GSK3B: variants seen among roughly 807,000 people sequenced by gnomAD.
GSK3B encodes glycogen synthase kinase 3 beta, also known as glycogen synthase kinase-3 beta.
In GSK3B, 15 loss-of-function variants were observed where a neutral mutation model predicts 56.4. The observed-to-expected ratio is 0.27, with a 90% CI of 0.18 to 0.41. GSK3B has a LOEUF of 0.41. GSK3B is among the 10% of genes least tolerant of loss of function. The pLI is 1.00. For synonymous variants in GSK3B, 181 were observed against 188.9 expected (o/e 0.96, Z 0.34); for missense variants, 300 against 513.4 (o/e 0.58, Z 4.02).
chr3:120,065,369 G>A (rs1361971496), intron 1 of GSK3B, among the ~76,000 whole-genome samples: 1 of 152,008 alleles, frequency 6.6e-6, no homozygotes, highest in Admixed American at 6.5e-5. Context: ...CTAAAAAGAT[G>A]CTCTACATCG....
chr3:119,915,615 T>A (rs1031806716), intron 5 of GSK3B, among the ~76,000 whole-genome samples: 1 of 152,058 alleles, frequency 6.6e-6, no homozygotes. Context: ...ACAATACATA[T>A]ACTCTTGATC....
intron 10 of GSK3B, among the ~76,000 whole-genome samples, chr3:119,841,992 T>C (rs1294987141): frequency 1.3e-5 from 2 of 152,114 alleles, no homozygotes; most frequent in Non-Finnish European, 2.9e-5. Context: ...GCAGCATAAA[T>C]ACCCTTAGGC....
At chr3:119,842,240 C>A (rs1450785568) in intron 10 of GSK3B, among the ~76,000 whole-genome samples, 1 of 152,192 alleles carries the variant, frequency 6.6e-6, no homozygotes, top group Non-Finnish European at 1.5e-5. Flanking sequence ...TGCAAGGACA[C>A]CGGTTCTCAC....
At chr3:119,886,236 T>C (rs560844475) in intron 7 of GSK3B, among the ~76,000 whole-genome samples, 1 of 151,686 alleles carries the variant, frequency 6.6e-6, no homozygotes, top group Non-Finnish European at 1.5e-5. Flanking sequence ...GCAGAACACG[T>C]GAACAGAAAC....
At chr3:120,024,083 C>CTTTG (rs1184061955) in intron 1 of GSK3B, among the ~76,000 whole-genome samples, 1 of 152,222 alleles carries the variant, frequency 6.6e-6, no homozygotes, top group Non-Finnish European at 1.5e-5. Context: ...AATCCCAGCA[C>CTTTG]TTTGGGAGGC....
intron 1 of GSK3B, among the ~76,000 whole-genome samples, chr3:120,011,910 C>T (rs537521588): frequency 6.6e-6 from 1 of 152,220 alleles, no homozygotes; most frequent in South Asian, 2.1e-4. Context: ...CATCGCATGC[C>T]TCGTGCTGCC....
chr3:119,963,767 A>G (rs2057295432), intron 2 of GSK3B, among the ~76,000 whole-genome samples: 1 of 152,144 alleles, frequency 6.6e-6, no homozygotes, highest in African/African-American at 2.4e-5. Flanking sequence ...TACAATGCAG[A>G]AAGGACAGTT....
At position 119,829,066 on chromosome 3, in the gene GSK3B, G is replaced by T. The variant is rs575602383; in HGVS notation, c.1196-2211C>A. Among the ~76,000 whole-genome samples, 10 of 152,264 alleles carry T rather than the reference G, an allele frequency of 6.6e-5. No homozygotes were observed. The South Asian group carries it at 1.9e-3, about 28-fold the overall frequency. ...ACCACCTTTTCTAACAATCACTGAG[G>T]AACTATGCTAACACTTCATTCGTGA... On this transcript the variant is annotated intron_variant, in intron 10 of 10. Coordinates refer to ENST00000264235, the MANE Select transcript of GSK3B (RefSeq NM_001146156.2).
At chr3:119,954,299 GAATAGAAAAGA>G (rs2057189976) in intron 2 of GSK3B, among the ~76,000 whole-genome samples, 2 of 110,882 alleles carry the variant, frequency 1.8e-5, no homozygotes, top group Admixed American at 1.8e-4. Context: ...GAATAGAATA[GAATAGAAAAGA>G]AACAGAACAG....
intron 4 of GSK3B, among the ~76,000 whole-genome samples, chr3:119,919,771 G>C (rs1053332390): frequency 1.3e-5 from 2 of 151,962 alleles, no homozygotes; most frequent in Admixed American, 6.6e-5. Context: ...AAAACAATAT[G>C]TGCATTATTG....
intron 1 of GSK3B, among the ~76,000 whole-genome samples, chr3:120,028,226 T>C (rs1362371548): frequency 2.0e-5 from 3 of 152,266 alleles, no homozygotes; most frequent in African/African-American, 4.8e-5. Flanking sequence ...TCTTAACTTT[T>C]ATTAATCACT....
rs1189282494 is a variant in GSK3B, at chr3:120,094,231, C to G, written c.-797G>C. On this transcript the variant is annotated 5_prime_UTR_variant, in exon 1 of 11. Transcript: ENST00000264235. The stretch of plus-strand genomic sequence containing the variant: ...CTTCCGTCCCTCGGGGCCCCCTCCC[C>G]CGTCCGCGGCAACAGCTCGGCCGCC... 1 of 225,892 alleles carries G rather than the reference C, an allele frequency of 4.4e-6. No homozygotes were observed. Among genetic ancestry groups the G allele is most frequent in the South Asian group, 1.3e-4 (1 of 7,616 alleles). 14.0% of individuals were successfully genotyped at this position (225,892 alleles called of 1,614,324 possible). A position where few individuals can be genotyped will look rare whatever the true frequency, so the allele number is the denominator to read the frequency against.
intron 1 of GSK3B, among the ~76,000 whole-genome samples, chr3:120,004,858 C>T (rs889496777): frequency 8.5e-5 from 13 of 152,196 alleles, no homozygotes; most frequent in South Asian, 2.1e-4. Context: ...AAAACCATAA[C>T]GCCTCTTCTC....
At chr3:120,037,856 A>G (rs985528631) in intron 1 of GSK3B, among the ~76,000 whole-genome samples, 3 of 152,176 alleles carry the variant, frequency 2.0e-5, no homozygotes, top group African/African-American at 7.2e-5. Context: ...CAATAACTAC[A>G]CAAACAGTCC....
chr3:119,909,175 C>G (rs927993467), intron 6 of GSK3B, among the ~76,000 whole-genome samples: 3 of 152,026 alleles, frequency 2.0e-5, no homozygotes, highest in African/African-American at 7.2e-5. Context: ...CATGTCACCA[C>G]GCCCGGCTAA....
intron 2 of GSK3B, among the ~76,000 whole-genome samples, chr3:120,000,918 CTTTTTTTTT>C (rs71156781): frequency 0.021 from 1,932 of 91,076 alleles, 51 homozygotes; most frequent in African/African-American, 0.079. Flanking sequence ...ATGTAATCTC[CTTTTTTTTT>C]TTTTTTTTTT....
rs530415926 is a variant in GSK3B at position 119,942,944 on chromosome 3, G to A, written c.366+4324C>T. Among the ~76,000 whole-genome samples, 14 of 152,224 alleles carry A rather than the reference G, an allele frequency of 9.2e-5. No homozygotes were observed. In the South Asian group the frequency reaches 1.7e-3, roughly 18 times the overall value. On this transcript the variant is annotated intron_variant, in intron 3 of 10. Transcript: ENST00000264235. ...TACTACTGGGTAACATAGAGTATACGAATTGACTACATGATGCTCTAGTTA... is the reference window on the plus strand; with the variant it reads ...TACTACTGGGTAACATAGAGTATACAAATTGACTACATGATGCTCTAGTTA...
intron 2 of GSK3B, 56 bp from the exon 3 acceptor site, chr3:119,947,407 T>C (rs1241128729): frequency 2.9e-6 from 3 of 1,026,990 alleles, no homozygotes; most frequent in Admixed American, 3.5e-5. Context: ...ATTCATCATA[T>C]TGAACAAGAT....
chr3:119,826,644 C>T lies in GSK3B; in HGVS notation c.*144G>A, dbSNP rs2055512688. On this transcript the variant is annotated 3_prime_UTR_variant, in exon 11 of 11. Coordinates refer to ENST00000264235, the MANE Select transcript of GSK3B (RefSeq NM_001146156.2). ...GATATTTTACAAGGTTAAATAAGAA[C>T]AACAATAATAATAAAAAAATTGAAC... is the stretch of plus-strand genomic sequence containing the variant. 1 of 510,494 alleles carries T rather than the reference C, an allele frequency of 2.0e-6. No individual in the cohort carries two copies. The highest frequency in any genetic ancestry group is 3.9e-6 in the Non-Finnish European group (1 of 258,596). The allele number at this position is 510,494 out of a possible 1,614,324, so 31.6% of individuals were successfully genotyped here.
Sources: allele counts gnomAD v4.1 joint callset (sites outside exome capture counted in the v4.1 genomes callset), GRCh38; gene constraint gnomAD v4.1.1; transcripts MANE v1.5; gene names NCBI Gene and HGNC (gene_info 2026-07-23, HGNC 2026-07-21).